The following LRBA variants were observed in gnomAD, a reference collection of about 807,000 sequenced individuals.
LRBA encodes LPS responsive beige-like anchor protein.
Under a neutral mutation model 330.0 loss-of-function variants are expected in LRBA, and 176 were observed. The ratio of observed to expected loss-of-function variants is 0.53; its 90% CI spans 0.47 to 0.60. LRBA has a LOEUF of 0.60. Ranked by LOEUF, LRBA falls within the 20% of genes least tolerant of loss-of-function variation. LRBA has a pLI of 0.00. For synonymous variants in LRBA, 1,230 were observed against 1,193.0 expected (o/e 1.03, Z -0.64); for missense variants, 3,259 against 3,444.8 (o/e 0.95, Z 1.35).
chr4:150,401,865 G>A (rs1745509831), intron 47 of LRBA, among the ~76,000 whole-genome samples: 1 of 151,904 alleles, frequency 6.6e-6, no homozygotes, highest in South Asian at 2.1e-4. Flanking sequence ...AATTATGTGG[G>A]TGTGTGAGTA....
intron 44 of LRBA, among the ~76,000 whole-genome samples, chr4:150,459,554 T>C (rs578106666): frequency 1.1e-4 from 16 of 151,944 alleles, no homozygotes; most frequent in Admixed American, 3.9e-4. Flanking sequence ...ATAAAGACAA[T>C]AACACATTCC....
intron 31 of LRBA, among the ~76,000 whole-genome samples, chr4:150,813,572 A>G (rs1744110700): frequency 6.6e-6 from 1 of 152,146 alleles, no homozygotes; most frequent in African/African-American, 2.4e-5. Context: ...TTCAGTGATA[A>G]TATTTTCATA....
At chr4:150,319,633 T>C (rs182519214) in intron 50 of LRBA, among the ~76,000 whole-genome samples, 64 of 152,294 alleles carry the variant, frequency 4.2e-4, no homozygotes, top group Admixed American at 7.8e-4. Flanking sequence ...AATATCTGCC[T>C]CCATTTTTAC....
At chr4:150,356,305 G>A (rs750298416) in intron 47 of LRBA, among the ~76,000 whole-genome samples, 4 of 151,964 alleles carry the variant, frequency 2.6e-5, no homozygotes, top group African/African-American at 9.7e-5. Flanking sequence ...GCCACTTTGC[G>A]GAAAGCTATT....
chr4:150,550,446 A>G (rs978412586), intron 40 of LRBA, among the ~76,000 whole-genome samples: 15 of 152,226 alleles, frequency 9.9e-5, no homozygotes, highest in African/African-American at 3.6e-4. Flanking sequence ...ATTAAAGCAT[A>G]TTTAGAATAC....
chr4:150,743,723 T>A (rs1213995401), intron 35 of LRBA, among the ~76,000 whole-genome samples: 2 of 152,200 alleles, frequency 1.3e-5, no homozygotes, highest in East Asian at 3.8e-4. Flanking sequence ...AGACCATGTG[T>A]ACTGCAAGGC....
intron 46 of LRBA, among the ~76,000 whole-genome samples, chr4:150,433,334 A>C (rs866861239): frequency 2.6e-5 from 4 of 152,132 alleles, no homozygotes; most frequent in Non-Finnish European, 4.4e-5. Flanking sequence ...AAACCAATTA[A>C]AGAATCTTGA....
intron 27 of LRBA, 81 bp downstream of exon 27, chr4:150,844,577 T>C: frequency 7.8e-7 from 1 of 1,287,334 alleles, no homozygotes; most frequent in Non-Finnish European, 1.1e-6. Context: ...TTATTTAACT[T>C]TATGTTGAAA....
intron 38 of LRBA, among the ~76,000 whole-genome samples, chr4:150,592,915 T>G (rs558226404): frequency 1.3e-5 from 2 of 152,148 alleles, no homozygotes; most frequent in Non-Finnish European, 2.9e-5. Context: ...ATTACAGGCG[T>G]AAGTCATCTC....
At chr4:150,660,488 C>T (rs1412974190) in intron 37 of LRBA, among the ~76,000 whole-genome samples, 3 of 151,326 alleles carry the variant, frequency 2.0e-5, no homozygotes, top group South Asian at 2.1e-4. Flanking sequence ...TGGGGGGGGT[C>T]AGCCCCCCCC....
chr4:150,930,135 T>C (rs1407205969), intron 2 of LRBA, among the ~76,000 whole-genome samples: 19 of 151,670 alleles, frequency 1.3e-4, no homozygotes, highest in Non-Finnish European at 2.8e-4. Context: ...GCCAACACGG[T>C]GAAACCCCAT....
chr4:150,533,133 T>C (rs962258529), intron 40 of LRBA, among the ~76,000 whole-genome samples: 3 of 152,162 alleles, frequency 2.0e-5, no homozygotes, highest in Non-Finnish European at 4.4e-5. Flanking sequence ...ACAATATCAA[T>C]ATTTGAGCAC....
rs193158058 is a variant in LRBA at position 150,276,562 on chromosome 4, G to A, written c.8468+1291C>T. ...AGGGCTAATATCCAGAATCTACAAAGAACTTAAACAAATTTACAAGAAAAA... is the reference window on the plus strand; with the variant it reads ...AGGGCTAATATCCAGAATCTACAAAAAACTTAAACAAATTTACAAGAAAAA... On this transcript the variant is annotated intron_variant, in intron 56 of 56. Transcript: ENST00000651943. Among the ~76,000 whole-genome samples the A allele has an allele frequency of 1.0e-3, 156 of 152,140 alleles. No individual in the cohort carries two copies. In the Middle Eastern group the frequency reaches 0.027, roughly 27 times the overall value.
chr4:150,658,828 G>C (rs1283557616), intron 37 of LRBA, among the ~76,000 whole-genome samples: 1 of 27,530 alleles, frequency 3.6e-5, no homozygotes, highest in African/African-American at 5.2e-5. Context: ...CTGCCATCTC[G>C]GCTCACTGCA....
intron 54 of LRBA, 151 bp downstream of exon 54, chr4:150,285,782 T>C (rs1748066432): frequency 2.2e-6 from 1 of 449,004 alleles, no homozygotes; most frequent in East Asian, 3.7e-5. Flanking sequence ...TAATTTTATT[T>C]AATTTTAAAT....
intron 37 of LRBA, among the ~76,000 whole-genome samples, chr4:150,648,261 TAAACAAA>T (rs1779392350): frequency 1.4e-5 from 2 of 140,776 alleles, no homozygotes; most frequent in South Asian, 4.5e-4. Flanking sequence ...ATATCATAAA[TAAACAAA>T]AATTGTAATA....
At chr4:150,802,167 C>CCATTG (rs1741738147) in intron 33 of LRBA, among the ~76,000 whole-genome samples, 1 of 149,452 alleles carries the variant, frequency 6.7e-6, no homozygotes, top group African/African-American at 2.5e-5. Context: ...CTGCAGTGAG[C>CCATTG]CATGATCACA....
At chr4:150,662,044 T>G (rs1781166239) in intron 37 of LRBA, among the ~76,000 whole-genome samples, 1 of 152,206 alleles carries the variant, frequency 6.6e-6, no homozygotes, top group Admixed American at 6.5e-5. Context: ...TTCTGGGATG[T>G]TTGTATACAG....
chr4:150,464,960 T>C (rs542395449), intron 44 of LRBA, among the ~76,000 whole-genome samples: 4 of 152,252 alleles, frequency 2.6e-5, no homozygotes, highest in South Asian at 4.1e-4. Context: ...TACATTCACA[T>C]TGTTGAACAA....
Sources: allele counts gnomAD v4.1 joint callset (sites outside exome capture counted in the v4.1 genomes callset), GRCh38; gene constraint gnomAD v4.1.1; transcripts MANE v1.5; gene names NCBI Gene and HGNC (gene_info 2026-07-23, HGNC 2026-07-21).